Variants in TET3 observed in about 807,000 individuals in gnomAD.
TET3 encodes tet methylcytosine dioxygenase 3.
Under a neutral mutation model 141.4 loss-of-function variants are expected in TET3, and 19 were observed. That is an observed-to-expected ratio of 0.13 (90% CI 0.09 to 0.20). The LOEUF is 0.20. Among genes scored for constraint, TET3 ranks in the 10% least tolerant of loss-of-function variants. The pLI is 1.00. For synonymous variants in TET3, 1,043 were observed against 980.9 expected (o/e 1.06, Z -1.18); for missense variants, 1,874 against 2,356.9 (o/e 0.80, Z 4.24).
intron 3 of TET3, among the ~76,000 whole-genome samples, chr2:74,029,349 C>T (rs931507873): frequency 2.0e-5 from 3 of 152,184 alleles, no homozygotes; most frequent in African/African-American, 7.2e-5. Context: ...GGAGGAAAGA[C>T]ACTATTCCAA....
In TET3 at chr2:74,076,195, A is replaced by G. The variant is rs148542593; in HGVS notation, c.2585+2556A>G. ...TACCCCCTGATTCTTTAAAAATAAC[A>G]GCCAGCTGTAGACTCTTCAGAAACT... On this transcript the variant is annotated intron_variant, in intron 5 of 11. Transcript: ENST00000409262. Among the ~76,000 whole-genome samples, 646 of 152,256 alleles carry G rather than the reference A, an allele frequency of 4.2e-3. 5 individuals are homozygous for G. Among genetic ancestry groups the G allele is most frequent in the African/African-American group, 0.015 (631 of 41,552 alleles).
intron 3 of TET3, among the ~76,000 whole-genome samples, chr2:74,035,500 C>A (rs1478883163): frequency 6.7e-6 from 1 of 149,968 alleles, no homozygotes; most frequent in Non-Finnish European, 1.5e-5. Context: ...TGGGGCCGGG[C>A]ATGGTGGTTT....
intron 4 of TET3, among the ~76,000 whole-genome samples, chr2:74,055,975 T>G (rs1447916181): frequency 6.6e-6 from 1 of 152,194 alleles, no homozygotes; most frequent in Non-Finnish European, 1.5e-5. Context: ...ATAGATTCCT[T>G]CCTTTATAAA....
chr2:74,123,488 G>A, the TET3 span, among the ~76,000 whole-genome samples: 32,746 of 152,028 alleles, frequency 0.22, 4,168 homozygotes, highest in East Asian at 0.49. Context: ...GCCTGTGGGC[G>A]GAACCGACCA....
intron 3 of TET3, among the ~76,000 whole-genome samples, chr2:74,013,515 C>A (rs868825729): frequency 2.0e-4 from 30 of 151,930 alleles, no homozygotes; most frequent in Middle Eastern, 3.4e-3. Context: ...TAATTCGATT[C>A]TTTTTATTGG....
chr2:74,050,752 A>G (rs942405351), intron 4 of TET3, among the ~76,000 whole-genome samples: 4 of 151,618 alleles, frequency 2.6e-5, no homozygotes, highest in South Asian at 2.1e-4. Flanking sequence ...AGGTCTCACT[A>G]TATTGCCCAG....
chr2:74,078,775 TC>T, intron 5 of TET3, among the ~76,000 whole-genome samples: 1 of 152,344 alleles, frequency 6.6e-6, no homozygotes, highest in African/African-American at 2.4e-5. Flanking sequence ...CATGCCATGA[TC>T]AAATTGAATT....
intron 4 of TET3, among the ~76,000 whole-genome samples, chr2:74,062,220 A>C (rs1175807059): frequency 6.6e-6 from 1 of 152,220 alleles, no homozygotes; most frequent in Non-Finnish European, 1.5e-5. Context: ...GGAGCTGGAG[A>C]CCAGCCCGGC....
intron 5 of TET3, among the ~76,000 whole-genome samples, chr2:74,077,175 C>T (rs1429294736): frequency 6.6e-6 from 1 of 152,246 alleles, no homozygotes; most frequent in Admixed American, 6.5e-5. Flanking sequence ...GGTCTCATTA[C>T]TGTGTGACAG....
chr2:74,095,117 A>G (rs828870), intron 10 of TET3, among the ~76,000 whole-genome samples: 82,950 of 151,976 alleles, frequency 0.55, 23,607 homozygotes, highest in Admixed American at 0.62. Context: ...TGAGGACGAG[A>G]CAAGGGCACC....
the TET3 span, among the ~76,000 whole-genome samples, chr2:74,123,915 C>T: frequency 2.0e-5 from 3 of 151,778 alleles, no homozygotes; most frequent in Admixed American, 6.6e-5. Context: ...GCCGCGACCT[C>T]GTCTGGGAAC....
chr2:74,073,837 A>G (rs903336009), intron 5 of TET3, 198 bp downstream of exon 5: 14 of 469,528 alleles, frequency 3.0e-5, no homozygotes, highest in Admixed American at 1.2e-4. Context: ...GGTCTGCCCA[A>G]TTCATGTCCC....
rs1249738241 is a variant in TET3 at position 74,106,634 on chromosome 2, G to A, written c.*4458G>A. 6.5e-6 allele frequency: 1 copy of A among 153,738 alleles called. No individual in the cohort carries two copies. Among genetic ancestry groups the A allele is most frequent in the Non-Finnish European group, 1.5e-5 (1 of 68,050 alleles). The allele number at this position is 153,738 out of a possible 1,614,324, so 9.5% of individuals were successfully genotyped here. A position where few individuals can be genotyped will look rare whatever the true frequency, so the allele number is the denominator to read the frequency against. On this transcript the variant is annotated 3_prime_UTR_variant, in exon 12 of 12. Transcript: ENST00000409262. ...TTCTTTGCTCACTCGATGCCACTGA[G>A]GCTGCTTTTTAGTTGGTGCTAACCT...
At position 74,099,486 on chromosome 2, in the gene TET3, C is replaced by T. The variant is rs1691038232; in HGVS notation, c.3478C>T (p.Arg1160Cys). ...RRLPEPAKSCRQRQLEARKAA... is the reference protein window; with the variant it reads ...RRLPEPAKSCCQRQLEARKAA... ...CCTGCCCGAGCCTGCCAAGTCCTGC[C>T]GCCAGCGGCAGCTGGAAGCCAGAAA... Residue 1160 changes from arginine (R) to cysteine (C), a missense_variant, in exon 11 of 12, where the codon CGC becomes TGC. By Grantham distance (180) the Arg-to-Cys change is radical. Transcript: ENST00000409262. 5 of 1,613,656 alleles carry T rather than the reference C, an allele frequency of 3.1e-6. No homozygotes were observed. Among genetic ancestry groups the T allele is most frequent in the African/African-American group, 1.3e-5 (1 of 74,918 alleles).
chr2:74,048,261 G>A lies in TET3; in HGVS notation c.2344G>A (p.Ala782Thr), dbSNP rs776649036. ...CCATTCAGAGGAGGGAGGACAGGAGGCCACACCCACCAAGGCTGAGAACCC... is the reference window on the plus strand; with the variant it reads ...CCATTCAGAGGAGGGAGGACAGGAGACCACACCCACCAAGGCTGAGAACCC... Reference protein sequence around the residue: ...CFHSEEGGQEATPTKAENPLT... With the variant: ...CFHSEEGGQETTPTKAENPLT... Residue 782 changes from alanine (A) to threonine (T), a missense_variant, in exon 4 of 12, where the codon GCC (alanine) becomes ACC (threonine). Ala to Thr is a moderately conservative substitution (Grantham distance 58). Transcript: ENST00000409262. The A allele has an allele frequency of 1.2e-5, 20 of 1,613,730 alleles. No individual in the cohort carries two copies. Among genetic ancestry groups the A allele is most frequent in the Admixed American group, 1.7e-5 (1 of 59,966 alleles).
intron 4 of TET3, among the ~76,000 whole-genome samples, chr2:74,064,440 C>G (rs1346731524): frequency 6.6e-6 from 1 of 152,166 alleles, no homozygotes; most frequent in Non-Finnish European, 1.5e-5. Context: ...TACTCTGTCT[C>G]CCAGGCTGGA....
intron 3 of TET3, among the ~76,000 whole-genome samples, chr2:74,007,196 C>CT (rs1685195563): frequency 6.6e-6 from 1 of 152,190 alleles, no homozygotes; most frequent in South Asian, 2.1e-4. Context: ...ATATTGAATG[C>CT]TTTTGACTTC....
At chr2:74,065,620 G>GTCCGTCCT (rs1553428827) in intron 4 of TET3, among the ~76,000 whole-genome samples, 79 of 142,528 alleles carry the variant, frequency 5.5e-4, no homozygotes, top group African/African-American at 1.6e-3. Context: ...CCGTCCGTCC[G>GTCCGTCCT]TCCTTCCTTC....
downstream of TET3, among the ~76,000 whole-genome samples, chr2:74,113,041 A>C (rs56199245): frequency 0.2 from 26,021 of 133,010 alleles, 3,700 homozygotes; most frequent in East Asian, 0.35. Flanking sequence ...AAAAACCCAC[A>C]GTTAACATCT....
Sources: allele counts gnomAD v4.1 joint callset (sites outside exome capture counted in the v4.1 genomes callset), GRCh38; gene constraint gnomAD v4.1.1; transcripts MANE v1.5; gene names NCBI Gene and HGNC (gene_info 2026-07-23, HGNC 2026-07-21).